Variants in HS6ST3 observed in about 807,000 individuals in gnomAD.
HS6ST3 encodes heparan-sulfate 6-O-sulfotransferase 3.
A neutral mutation model predicts 36.7 loss-of-function variants in HS6ST3; 12 were observed. The observed-to-expected ratio is 0.33, with a 90% confidence interval of 0.21 to 0.53. The LOEUF is 0.53. Ranked by LOEUF, HS6ST3 falls within the 20% of genes least tolerant of loss-of-function variation. HS6ST3 has a pLI of 0.95. For synonymous variants in HS6ST3, 240 were observed against 257.5 expected (o/e 0.93, Z 0.65); for missense variants, 584 against 640.9 (o/e 0.91, Z 0.96).
At chr13:96,366,425 G>T (rs1430153305) in intron 1 of HS6ST3, among the ~76,000 whole-genome samples, 1 of 147,978 alleles carries the variant, frequency 6.8e-6, no homozygotes, top group Non-Finnish European at 1.5e-5. Flanking sequence ...CTCCAGCCTG[G>T]GTGACATAGC....
chr13:96,643,017 G>A (rs2056575635), intron 1 of HS6ST3, among the ~76,000 whole-genome samples: 1 of 151,844 alleles, frequency 6.6e-6, no homozygotes, highest in Non-Finnish European at 1.5e-5. Context: ...ATATAATGTG[G>A]CAACACTGGA....
Position 96,090,739 on chromosome 13 carries a change from A to G in HS6ST3, c.-124A>G, listed in dbSNP as rs2053756892. 1.6e-5 allele frequency: 10 copies of G among 626,484 alleles called. No individual in the cohort carries two copies. Among genetic ancestry groups the G allele is most frequent in the Non-Finnish European group, 2.2e-5 (10 of 451,782 alleles). The allele number at this position is 626,484 out of a possible 1,614,324, so 38.8% of individuals were successfully genotyped here. On this transcript the variant is annotated 5_prime_UTR_variant, in exon 1 of 2. Coordinates refer to ENST00000376705, the MANE Select transcript of HS6ST3 (RefSeq NM_153456.4). ...CCAGCCAGCCACACGCCTCGGCGTC[A>G]GGGGCATGGAGGAACGGCGGGCTCC...
intron 1 of HS6ST3, among the ~76,000 whole-genome samples, chr13:96,536,120 C>T (rs908359015): frequency 2.0e-5 from 3 of 152,104 alleles, no homozygotes; most frequent in African/African-American, 7.2e-5. Context: ...AAATTTTCAA[C>T]GTGAAGCATT....
intron 1 of HS6ST3, among the ~76,000 whole-genome samples, chr13:96,755,132 A>G (rs987594082): frequency 6.6e-6 from 1 of 152,014 alleles, no homozygotes; most frequent in African/African-American, 2.4e-5. Context: ...TTCACCCCAG[A>G]AAGTTTTTTT....
At chr13:96,718,948 T>G (rs1406674029) in intron 1 of HS6ST3, among the ~76,000 whole-genome samples, 2 of 152,152 alleles carry the variant, frequency 1.3e-5, no homozygotes, top group Non-Finnish European at 2.9e-5. Flanking sequence ...CCACTCAAAT[T>G]TCTTTACACA....
chr13:96,580,330 C>G (rs1474597979), intron 1 of HS6ST3, among the ~76,000 whole-genome samples: 1 of 151,068 alleles, frequency 6.6e-6, no homozygotes, highest in Non-Finnish European at 1.5e-5. Flanking sequence ...TTCACCTTCA[C>G]TAAACAACTC....
chr13:96,345,359 C>A (rs760173925), intron 1 of HS6ST3, among the ~76,000 whole-genome samples: 1 of 151,700 alleles, frequency 6.6e-6, no homozygotes, highest in East Asian at 1.9e-4. Context: ...TTTTCTAAAG[C>A]GTGTTTGTCT....
At chr13:96,654,176 A>G (rs552165847) in intron 1 of HS6ST3, among the ~76,000 whole-genome samples, 2 of 152,162 alleles carry the variant, frequency 1.3e-5, no homozygotes, top group East Asian at 3.9e-4. Flanking sequence ...CACTCTGATG[A>G]TAGTTTCTTT....
chr13:96,215,293 C>T (rs529380121), intron 1 of HS6ST3, among the ~76,000 whole-genome samples: 31 of 152,318 alleles, frequency 2.0e-4, no homozygotes, highest in Middle Eastern at 3.4e-3. Flanking sequence ...TCTGTTCACC[C>T]AGTGATTAGT....
At chr13:96,578,591 C>T (rs921915193) in intron 1 of HS6ST3, among the ~76,000 whole-genome samples, 4 of 152,106 alleles carry the variant, frequency 2.6e-5, no homozygotes, top group African/African-American at 7.2e-5. Context: ...GACAGGGTCT[C>T]ACTCTGCCAC....
intron 1 of HS6ST3, among the ~76,000 whole-genome samples, chr13:96,647,005 G>A (rs1297910941): frequency 6.6e-6 from 1 of 151,930 alleles, no homozygotes. Flanking sequence ...GACTAGCTGA[G>A]CTTCCCTAAG....
chr13:96,126,146 A>G (rs1470434207), intron 1 of HS6ST3, among the ~76,000 whole-genome samples: 1 of 152,144 alleles, frequency 6.6e-6, no homozygotes, highest in Non-Finnish European at 1.5e-5. Flanking sequence ...TGCTGACCTC[A>G]TATAGACCAT....
chr13:96,217,183 T>C (rs1045934283), intron 1 of HS6ST3, among the ~76,000 whole-genome samples: 6 of 152,190 alleles, frequency 3.9e-5, no homozygotes, highest in African/African-American at 1.4e-4. Context: ...ACGTCATATC[T>C]ATTCTGAAAA....
At position 96,487,219 on chromosome 13, in the gene HS6ST3, G is replaced by A. The variant is rs1403820274; in HGVS notation, c.708-345271G>A. 2.0e-5 allele frequency among the ~76,000 whole-genome samples: 3 copies of A among 151,894 alleles called. No individual in the cohort carries two copies. In the South Asian group the frequency reaches 6.2e-4, roughly 32 times the overall value. On this transcript the variant is annotated intron_variant, in intron 1 of 1. Transcript: ENST00000376705. ...TCCTTTACTTCCCAAAGGAAAATGC[G>A]ATGATTATAAATGTGAAAAAAAATA...
rs546368074 is a variant in HS6ST3 at position 96,676,628 on chromosome 13, T to G, written c.708-155862T>G. ...ATCCCAAGAGAAACAGATAAGATTT[T>G]CTTTTTCTTGAAGTCCTTATTCCTG... On this transcript the variant is annotated intron_variant, in intron 1 of 1. Transcript: ENST00000376705. Among the ~76,000 whole-genome samples the G allele has an allele frequency of 7.2e-5, 11 of 152,322 alleles. No homozygotes were observed. In the South Asian group the frequency reaches 2.1e-3, roughly 29 times the overall value.
At chr13:96,540,155 G>A (rs2056172340) in intron 1 of HS6ST3, among the ~76,000 whole-genome samples, 1 of 152,120 alleles carries the variant, frequency 6.6e-6, no homozygotes, top group South Asian at 2.1e-4. Context: ...CCTGGAGGTT[G>A]GGTCTTGCTG....
rs142103534 is a variant in HS6ST3 at position 96,195,107 on chromosome 13, A to G, written c.707+103538A>G. Among the ~76,000 whole-genome samples, 8 of 152,298 alleles carry G rather than the reference A, an allele frequency of 5.3e-5. No homozygotes were observed. In the East Asian group the frequency reaches 1.5e-3, roughly 29 times the overall value. ...ATGTTGGGGGGAAAATGATGCTTTC[A>G]CTGTTACTAGTTCAAGATTTGTCTG... On this transcript the variant is annotated intron_variant, in intron 1 of 1. Transcript: ENST00000376705.
rs1005976173 is a variant in HS6ST3 at position 96,619,984 on chromosome 13, C to T, written c.708-212506C>T. 2.0e-5 allele frequency among the ~76,000 whole-genome samples: 3 copies of T among 152,120 alleles called. No individual in the cohort carries two copies. In the East Asian group the frequency reaches 5.8e-4, roughly 29 times the overall value. On this transcript the variant is annotated intron_variant, in intron 1 of 1. Coordinates refer to ENST00000376705, the MANE Select transcript of HS6ST3 (RefSeq NM_153456.4). ...GGTAGGTGAATTGGCAGATCCCTTC[C>T]CCGTCTGAGAAGCTGGTTGTCATGT...
At chr13:96,740,610 A>T (rs1876413654) in intron 1 of HS6ST3, among the ~76,000 whole-genome samples, 1 of 152,166 alleles carries the variant, frequency 6.6e-6, no homozygotes, top group Non-Finnish European at 1.5e-5. Context: ...TGCTATGGAC[A>T]GGGTTTTCTG....
Sources: gnomAD v4.1 joint callset for allele counts (sites outside exome capture counted in the v4.1 genomes callset) on GRCh38, gnomAD v4.1.1 for gene constraint, MANE v1.5 for transcripts, NCBI Gene and HGNC (gene_info 2026-07-23, HGNC 2026-07-21) for gene names.